The following HS3ST5 variants were observed in gnomAD, a reference collection of about 807,000 sequenced individuals.
HS3ST5 encodes the protein heparan sulfate-glucosamine 3-sulfotransferase 5, also known as heparan sulfate glucosamine 3-O-sulfotransferase 5.
HS3ST5 carries 10 observed loss-of-function variants against 25.4 expected under a neutral mutation model. The observed-to-expected ratio is 0.39, with a 90% CI of 0.24 to 0.67. HS3ST5 has a LOEUF of 0.67. Ranked by LOEUF, HS3ST5 falls within the 30% of genes least tolerant of loss-of-function variation. The pLI is 0.44. For missense variants in HS3ST5, 324 were observed against 420.7 expected (o/e 0.77, Z 2.01); for synonymous variants, 170 against 162.4 (o/e 1.05, Z -0.36).
At chr6:114,312,047 A>G (rs978443893) in intron 1 of HS3ST5, among the ~76,000 whole-genome samples, 27 of 152,242 alleles carry the variant, frequency 1.8e-4, no homozygotes, top group Non-Finnish European at 3.7e-4. Context: ...AGTTCTACCT[A>G]GAGCATTCTT....
intron 3 of HS3ST5, among the ~76,000 whole-genome samples, chr6:114,077,867 TATC>T: frequency 6.6e-6 from 1 of 152,352 alleles, no homozygotes; most frequent in East Asian, 1.9e-4. Context: ...ATGGTATTTT[TATC>T]ATCAAGCTTC....
At chr6:114,174,358 T>TAATTATCTCTTTAC (rs1407041676) in intron 2 of HS3ST5, among the ~76,000 whole-genome samples, 2 of 152,110 alleles carry the variant, frequency 1.3e-5, no homozygotes, top group African/African-American at 4.8e-5. Flanking sequence ...TACTGGCCTG[T>TAATTATCTCTTTAC]ACCCCCACCA....
intron 2 of HS3ST5, among the ~76,000 whole-genome samples, chr6:114,185,293 G>A (rs749667156): frequency 2.0e-5 from 3 of 152,082 alleles, no homozygotes; most frequent in Admixed American, 6.6e-5. Flanking sequence ...TCACGAGAGT[G>A]GAGCCCTCAT....
intron 3 of HS3ST5, among the ~76,000 whole-genome samples, chr6:114,147,233 T>A (rs74960450): frequency 0.012 from 1,880 of 152,266 alleles, 36 homozygotes; most frequent in African/African-American, 0.038. Flanking sequence ...TGAAAACACA[T>A]AGTTATTTGG....
chr6:114,137,254 T>C (rs1220949018), intron 3 of HS3ST5, among the ~76,000 whole-genome samples: 1 of 152,192 alleles, frequency 6.6e-6, no homozygotes, highest in Non-Finnish European at 1.5e-5. Flanking sequence ...CATTTATAGT[T>C]TCAAAGTACA....
At chr6:114,266,959 G>A (rs1304198198) in intron 1 of HS3ST5, among the ~76,000 whole-genome samples, 1 of 152,148 alleles carries the variant, frequency 6.6e-6, no homozygotes, top group Non-Finnish European at 1.5e-5. Context: ...TTTCATGTCT[G>A]CAGAGAACAC....
chr6:114,125,667 T>C (rs974409122), intron 3 of HS3ST5, among the ~76,000 whole-genome samples: 1 of 152,188 alleles, frequency 6.6e-6, no homozygotes, highest in African/African-American at 2.4e-5. Flanking sequence ...ACTGGGACCC[T>C]GAGTTGAACT....
chr6:114,086,675 A>C (rs1774849300), intron 3 of HS3ST5, among the ~76,000 whole-genome samples: 1 of 152,236 alleles, frequency 6.6e-6, no homozygotes, highest in Non-Finnish European at 1.5e-5. Flanking sequence ...GTTATGCAGC[A>C]ATAGAAAACT....
intron 2 of HS3ST5, among the ~76,000 whole-genome samples, chr6:114,187,946 G>A (rs768905317): frequency 5.3e-5 from 8 of 152,114 alleles, no homozygotes; most frequent in Non-Finnish European, 8.8e-5. Flanking sequence ...GCAGATGATC[G>A]TTAGCAATAG....
intron 1 of HS3ST5, among the ~76,000 whole-genome samples, chr6:114,268,424 C>A (rs2114692982): frequency 6.6e-6 from 1 of 152,208 alleles, no homozygotes; most frequent in South Asian, 2.1e-4. Flanking sequence ...GTATATATTT[C>A]CTAAGAGGGC....
intron 3 of HS3ST5, among the ~76,000 whole-genome samples, chr6:114,159,386 T>C (rs1778836552): frequency 6.6e-6 from 1 of 152,128 alleles, no homozygotes; most frequent in Non-Finnish European, 1.5e-5. Context: ...ATTTAAACAA[T>C]GGAATGTACT....
rs767501144 is a variant in HS3ST5 at position 114,057,637 on chromosome 6, C to T, written c.661G>A (p.Glu221Lys). The T allele has an allele frequency of 5.0e-6, 8 of 1,614,020 alleles. No homozygotes were observed. Among genetic ancestry groups the T allele is most frequent in the Admixed American group, 1.7e-5 (1 of 59,996 alleles). Residue 221 changes from glutamate (E) to lysine (K), a missense_variant, in exon 5 of 5, where the codon GAA becomes AAA. This residue lies in a region of HS3ST5 where 203 missense variants were observed against 303.4 expected (regional missense o/e 0.67). Coordinates refer to ENST00000312719, the MANE Select transcript of HS3ST5 (RefSeq NM_153612.4). The stretch of plus-strand genomic sequence containing the variant: ...ACTGCTTTGTATTTTGTGTTCACTT[C>T]GCATGTATTAGGGTCTATGGCCAGC... ...EKLAIDPNTC[E>K]VNTKYKAVRT...
chr6:114,216,760 A>C, intron 2 of HS3ST5, among the ~76,000 whole-genome samples: 1 of 151,852 alleles, frequency 6.6e-6, no homozygotes, highest in South Asian at 2.1e-4. Flanking sequence ...AGGAAAAGAA[A>C]ACTGAAAGTG....
At chr6:114,323,073 A>C (rs1230834184) in intron 1 of HS3ST5, among the ~76,000 whole-genome samples, 1 of 152,132 alleles carries the variant, frequency 6.6e-6, no homozygotes, top group Non-Finnish European at 1.5e-5. Context: ...TGCAATACAC[A>C]CATAGTGGGA....
intron 3 of HS3ST5, among the ~76,000 whole-genome samples, chr6:114,094,366 G>C (rs574459544): frequency 6.6e-6 from 1 of 152,320 alleles, no homozygotes; most frequent in Non-Finnish European, 1.5e-5. Flanking sequence ...ATGTTATAGT[G>C]TTATTTAGTT....
intron 3 of HS3ST5, among the ~76,000 whole-genome samples, chr6:114,106,115 T>G (rs1343493850): frequency 2.0e-5 from 3 of 152,092 alleles, no homozygotes; most frequent in East Asian, 1.9e-4. Context: ...ACACTTGTAA[T>G]TAAGCTAAGG....
intron 3 of HS3ST5, among the ~76,000 whole-genome samples, chr6:114,073,449 AAAAC>A (rs1346120659): frequency 6.6e-6 from 1 of 152,200 alleles, no homozygotes; most frequent in Non-Finnish European, 1.5e-5. Context: ...TCACAAGAAA[AAAAC>A]AAACCCCATC....
At chr6:114,141,455 G>A (rs1049904254) in intron 3 of HS3ST5, among the ~76,000 whole-genome samples, 2 of 152,146 alleles carry the variant, frequency 1.3e-5, no homozygotes, top group Non-Finnish European at 2.9e-5. Flanking sequence ...GTAAGAAAAA[G>A]TTCCATAAGG....
intron 3 of HS3ST5, among the ~76,000 whole-genome samples, chr6:114,115,204 AG>A (rs1435141947): frequency 6.6e-6 from 1 of 152,090 alleles, no homozygotes; most frequent in Non-Finnish European, 1.5e-5. Context: ...TGGTGGTTGA[AG>A]GGTATGTTCA....
Sources: gnomAD v4.1 joint callset for allele counts (sites outside exome capture counted in the v4.1 genomes callset) on GRCh38, gnomAD v4.1.1 for gene constraint, gnomAD v4.1.1 regional missense constraint, MANE v1.5 for transcripts, NCBI Gene and HGNC (gene_info 2026-07-23, HGNC 2026-07-21) for gene names.